Variants in MKLN1 observed in about 807,000 individuals in gnomAD.
MKLN1 encodes muskelin 1, also known as muskelin.
In MKLN1, 18 loss-of-function variants were observed where a neutral mutation model predicts 99.0. The observed-to-expected ratio is 0.18, with a 90% confidence interval of 0.13 to 0.27. The LOEUF (loss-of-function observed/expected upper bound fraction) is 0.27, where lower values mean the gene tolerates loss of function less well. Ranked by LOEUF, MKLN1 falls within the 10% of genes least tolerant of loss-of-function variation. The probability of loss-of-function intolerance (pLI) is 1.00; values close to 1 mark genes in which losing one functional copy is unlikely to be tolerated. For missense variants in MKLN1, 621 were observed against 875.9 expected (o/e 0.71, Z 3.67); for synonymous variants, 288 against 293.2 (o/e 0.98, Z 0.18).
At chr7:131,290,266 T>G (rs1224855023) in intron 3 of MKLN1, among the ~76,000 whole-genome samples, 1 of 152,096 alleles carries the variant, frequency 6.6e-6, no homozygotes, top group Non-Finnish European at 1.5e-5. Context: ...GATCGCACCA[T>G]TGCACTCCAA....
chr7:131,315,138 G>A (rs764903602), intron 3 of MKLN1, among the ~76,000 whole-genome samples: 17 of 152,050 alleles, frequency 1.1e-4, no homozygotes, highest in Non-Finnish European at 2.5e-4. Context: ...CAAGATGGCC[G>A]AATAGAAACA....
intron 2 of MKLN1, among the ~76,000 whole-genome samples, chr7:131,147,787 C>T (rs116922076): frequency 0.014 from 2,183 of 152,286 alleles, 24 homozygotes; most frequent in Non-Finnish European, 0.022. Flanking sequence ...GGAACTGACA[C>T]ACTTGGACTC....
chr7:131,231,446 G>A (rs557928894), intron 3 of MKLN1, among the ~76,000 whole-genome samples: 129 of 152,214 alleles, frequency 8.5e-4, no homozygotes, highest in Admixed American at 2.3e-3. Flanking sequence ...GGTGACGTAA[G>A]GGCTTCCTTG....
Position 131,466,368 on chromosome 7 carries a change from A to C in MKLN1, c.1881A>C (p.Ser627=), listed in dbSNP as rs1337794685. ...DFWSLKLCRP[S]KDYLLRHCKY... is the part of the protein sequence containing the mutation. ...GGTCACTGAAGTTGTGTAGACCTTC[A>C]AAAGATTATTTACTGAGGCATTGCA... The change falls in exon 15 of 18, where the codon TCA becomes TCC. Residue 627 remains serine (S), a synonymous_variant. Transcript: ENST00000352689. The C allele has an allele frequency of 1.9e-6, 3 of 1,603,190 alleles. No individual in the cohort carries two copies. The highest frequency in any genetic ancestry group is 3.4e-5 in the Admixed American group (2 of 59,492).
chr7:131,440,155 G>A (rs1456628374), intron 10 of MKLN1, among the ~76,000 whole-genome samples: 1 of 152,182 alleles, frequency 6.6e-6, no homozygotes, highest in Non-Finnish European at 1.5e-5. Flanking sequence ...GAATTAACAT[G>A]TGTAAAGTAC....
At chr7:131,124,106 C>G (rs889908270) in intron 1 of MKLN1, among the ~76,000 whole-genome samples, 3 of 152,158 alleles carry the variant, frequency 2.0e-5, no homozygotes, top group Non-Finnish European at 4.4e-5. Context: ...GATAATAACA[C>G]CTACCTCTCA....
chr7:131,233,843 C>CA (rs1234213290), intron 3 of MKLN1, among the ~76,000 whole-genome samples: 2 of 152,006 alleles, frequency 1.3e-5, no homozygotes, highest in Admixed American at 6.6e-5. Flanking sequence ...GGAGAAGCCA[C>CA]AAACATCATA....
At chr7:131,376,230 T>C (rs915845214) in intron 2 of MKLN1, among the ~76,000 whole-genome samples, 3 of 149,192 alleles carry the variant, frequency 2.0e-5, no homozygotes, top group Non-Finnish European at 4.4e-5. Flanking sequence ...AAAGAATATA[T>C]ATTTATAATT....
intron 1 of MKLN1, among the ~76,000 whole-genome samples, chr7:131,128,772 TA>T (rs35105237): frequency 0.64 from 76,628 of 119,958 alleles, 20,757 homozygotes; most frequent in East Asian, 0.81. Flanking sequence ...GTCTGGATAA[TA>T]TTTTTTTTTA....
At chr7:131,386,962 G>C (rs1794047186) in intron 2 of MKLN1, among the ~76,000 whole-genome samples, 158 bp from the exon 3 acceptor site, 1 of 152,066 alleles carries the variant, frequency 6.6e-6, no homozygotes, top group Non-Finnish European at 1.5e-5. Context: ...CCTTTATAAG[G>C]CTGTTATGTA....
At chr7:131,429,961 A>G (rs1166871543) in intron 9 of MKLN1, among the ~76,000 whole-genome samples, 2 of 152,230 alleles carry the variant, frequency 1.3e-5, no homozygotes, top group Non-Finnish European at 2.9e-5. Context: ...AAGCATTTCC[A>G]TAGTGAATAA....
chr7:131,475,117 A>T (rs1796929045), intron 16 of MKLN1, among the ~76,000 whole-genome samples: 1 of 152,204 alleles, frequency 6.6e-6, no homozygotes. Context: ...TGCAAATCCA[A>T]ACTATATCAC....
rs1266589787 is a variant in MKLN1, at chr7:131,492,203, C to G, written c.*4475C>G. 3 of 152,072 alleles carry G rather than the reference C, an allele frequency of 2.0e-5. No homozygotes were observed. The highest frequency in any genetic ancestry group is 6.5e-5 in the Admixed American group (1 of 15,270). The allele number at this position is 152,072 out of a possible 1,614,324, so 9.4% of individuals were successfully genotyped here. ...AGCATATCATCAGAATTTCCATTTA[C>G]CTTTTGTCTTTTCTTTTTATTGTAT... On this transcript the variant is annotated 3_prime_UTR_variant, in exon 18 of 18. Transcript: ENST00000352689.
At chr7:131,427,454 T>C (rs1217368588) in intron 8 of MKLN1, among the ~76,000 whole-genome samples, 3 of 152,250 alleles carry the variant, frequency 2.0e-5, no homozygotes. Flanking sequence ...TATAGTGTTT[T>C]ATTTAACATT....
chr7:131,387,085 A>G (rs372604167), intron 2 of MKLN1, 35 bp from the exon 3 acceptor site: 1 of 1,553,150 alleles, frequency 6.4e-7, no homozygotes, highest in Non-Finnish European at 8.7e-7. Flanking sequence ...TGTTTTAAAC[A>G]GAAGAGGATA....
chr7:131,326,637 G>GC (rs1298935151), upstream of MKLN1, among the ~76,000 whole-genome samples: 1 of 152,204 alleles, frequency 6.6e-6, no homozygotes, highest in Non-Finnish European at 1.5e-5. Flanking sequence ...GAGCCACCGT[G>GC]CCGGGCCTGG....
In MKLN1 at chr7:131,240,632, C is replaced by T. The variant is rs146680147; in HGVS notation, c.-179+37658C>T. On this transcript the variant is annotated intron_variant, in intron 3 of 7. Coordinates refer to the MKLN1 transcript ENST00000416992. ...TTTTAAAACATTAAACTCATTCATACGCTATAACCTGTAACTTCACTCTAC... is the reference window on the plus strand; with the variant it reads ...TTTTAAAACATTAAACTCATTCATATGCTATAACCTGTAACTTCACTCTAC... 1.4e-4 allele frequency among the ~76,000 whole-genome samples: 21 copies of T among 152,240 alleles called. 1 individual carries two copies. The highest frequency in any genetic ancestry group is 9.6e-4 in the East Asian group (5 of 5,192).
chr7:131,224,538 CCTT>C (rs1292840410), intron 3 of MKLN1, among the ~76,000 whole-genome samples: 2 of 151,556 alleles, frequency 1.3e-5, no homozygotes, highest in Admixed American at 6.6e-5. Context: ...GAGCGAGACT[CCTT>C]CTCAAAAAAT....
chr7:131,204,206 G>T (rs1401162583), intron 3 of MKLN1, among the ~76,000 whole-genome samples: 1 of 152,192 alleles, frequency 6.6e-6, no homozygotes. Context: ...ATAAGTCTGG[G>T]TTAGCAGGCT....
Sources: gnomAD v4.1 joint callset for allele counts (sites outside exome capture counted in the v4.1 genomes callset) on GRCh38, gnomAD v4.1.1 for gene constraint, MANE v1.5 for transcripts, NCBI Gene and HGNC (gene_info 2026-07-23, HGNC 2026-07-21) for gene names.